Variants in TBC1D5 observed in about 807,000 individuals in gnomAD.
The protein encoded by TBC1D5 is TBC1 domain family, member 5.
Under a neutral mutation model 100.3 loss-of-function variants are expected in TBC1D5, and 75 were observed. That is an observed-to-expected ratio of 0.75 (90% CI 0.62 to 0.91). The LOEUF (loss-of-function observed/expected upper bound fraction) is 0.91, where lower values mean the gene tolerates loss of function less well. TBC1D5 is among the 40% of genes least tolerant of loss of function. TBC1D5 has a pLI of 0.00. For missense variants in TBC1D5, 910 were observed against 942.4 expected (o/e 0.97, Z 0.45); for synonymous variants, 323 against 325.6 (o/e 0.99, Z 0.09).
At chr3:17,232,979 A>C (rs1429589687) in intron 17 of TBC1D5, among the ~76,000 whole-genome samples, 1 of 152,184 alleles carries the variant, frequency 6.6e-6, no homozygotes, top group Non-Finnish European at 1.5e-5. Context: ...TCTCTATCGC[A>C]TATTTCATCT....
intron 13 of TBC1D5, among the ~76,000 whole-genome samples, chr3:17,371,330 C>T (rs1188693068): frequency 2.6e-5 from 4 of 152,106 alleles, no homozygotes; most frequent in Admixed American, 6.6e-5. Flanking sequence ...CATGCATGTA[C>T]GACTCATACA....
chr3:17,226,933 C>T (rs768074376), intron 17 of TBC1D5, among the ~76,000 whole-genome samples: 6 of 152,026 alleles, frequency 3.9e-5, no homozygotes, highest in Non-Finnish European at 7.4e-5. Context: ...GTCTTTCATT[C>T]GTGACCAAAC....
At chr3:17,498,710 A>T (rs1333755731) in intron 3 of TBC1D5, among the ~76,000 whole-genome samples, 1 of 152,230 alleles carries the variant, frequency 6.6e-6, no homozygotes, top group Non-Finnish European at 1.5e-5. Flanking sequence ...AAAAGACTGT[A>T]GTAACACATA....
chr3:17,343,224 T>C (rs1438453853), intron 13 of TBC1D5, among the ~76,000 whole-genome samples: 1 of 152,178 alleles, frequency 6.6e-6, no homozygotes, highest in Non-Finnish European at 1.5e-5. Flanking sequence ...ATTGAGATAA[T>C]CATGTGGTTT....
chr3:17,503,181 C>T (rs933539471), intron 3 of TBC1D5, among the ~76,000 whole-genome samples: 1 of 149,642 alleles, frequency 6.7e-6, no homozygotes, highest in South Asian at 2.1e-4. Context: ...TACTTTTGAA[C>T]TCTAATCTTA....
intron 15 of TBC1D5, among the ~76,000 whole-genome samples, chr3:17,271,243 A>G (rs1036867221): frequency 2.0e-5 from 3 of 152,162 alleles, no homozygotes; most frequent in African/African-American, 7.2e-5. Context: ...CTTCCAATCC[A>G]TAGCCTGGAA....
rs747187334 is a variant in TBC1D5, at chr3:17,384,067, A to G, written c.510-52T>C. The G allele has an allele frequency of 1.4e-5, 20 of 1,474,224 alleles. 1 individual carries two copies. In the South Asian group the frequency reaches 2.2e-4, roughly 16 times the overall value. 91.3% of individuals were successfully genotyped at this position (1,474,224 alleles called of 1,614,324 possible). On this transcript the variant is annotated intron_variant, in intron 8 of 21. Coordinates refer to ENST00000253692, the Ensembl canonical transcript of TBC1D5. ...ACTGACTAACACAGTTTCAAGAATC[A>G]CTCTCAAATTCTCATCTCGAAGACG...
intron 1 of TBC1D5, among the ~76,000 whole-genome samples, chr3:17,737,622 C>T (rs2077058364): frequency 6.6e-6 from 1 of 152,026 alleles, no homozygotes; most frequent in African/African-American, 2.4e-5. Flanking sequence ...GCAGAATTTT[C>T]TTTAGACATA....
At chr3:17,525,346 A>G (rs2096120324) in intron 2 of TBC1D5, among the ~76,000 whole-genome samples, 1 of 152,024 alleles carries the variant, frequency 6.6e-6, no homozygotes, top group Non-Finnish European at 1.5e-5. Context: ...GGCCAGCCTG[A>G]TCTTGAACTC....
At chr3:17,234,952 A>G (rs2075741700) in intron 17 of TBC1D5, among the ~76,000 whole-genome samples, 1 of 152,180 alleles carries the variant, frequency 6.6e-6, no homozygotes. Context: ...CAAACAAGTG[A>G]TAAACAGCTT....
rs180822411 is a variant in TBC1D5, at chr3:17,518,273, T to C, written c.-35-9668A>G. ...CTGTTTTCCCACTCGAATGTTGCCT[T>C]TTCCTAAACTACCCATGGCCCACCC... On this transcript the variant is annotated intron_variant, in intron 2 of 21. Coordinates refer to ENST00000253692, the Ensembl canonical transcript of TBC1D5. 5.0e-3 allele frequency among the ~76,000 whole-genome samples: 760 copies of C among 152,252 alleles called. 14 individuals are homozygous for C. Among genetic ancestry groups the C allele is most frequent in the Non-Finnish European group, 3.6e-3 (244 of 68,018 alleles).
intron 9 of TBC1D5, among the ~76,000 whole-genome samples, chr3:17,382,596 T>G (rs1011193662): frequency 6.6e-6 from 1 of 151,980 alleles, no homozygotes; most frequent in Non-Finnish European, 1.5e-5. Context: ...GATCTCACTC[T>G]TTCGCTCAGG....
intron 2 of TBC1D5, among the ~76,000 whole-genome samples, chr3:17,532,134 T>C (rs1465214422): frequency 6.6e-6 from 1 of 151,946 alleles, no homozygotes; most frequent in Non-Finnish European, 1.5e-5. Flanking sequence ...CAAACAAATT[T>C]ACAAGAAAAA....
At chr3:17,455,229 AT>A (rs1404840263) in intron 3 of TBC1D5, among the ~76,000 whole-genome samples, 11 of 132,270 alleles carry the variant, frequency 8.3e-5, no homozygotes, top group South Asian at 2.3e-4. Flanking sequence ...TATATTATAT[AT>A]TGTATACATA....
At chr3:17,550,954 T>A (rs1475912616) in intron 2 of TBC1D5, among the ~76,000 whole-genome samples, 1 of 152,284 alleles carries the variant, frequency 6.6e-6, no homozygotes, top group African/African-American at 2.4e-5. Context: ...CTTCCATCTA[T>A]AATTTAAAAA....
At chr3:17,352,162 G>T (rs570896967) in intron 13 of TBC1D5, among the ~76,000 whole-genome samples, 13 of 152,186 alleles carry the variant, frequency 8.5e-5, no homozygotes, top group Admixed American at 5.2e-4. Flanking sequence ...AGAGCATTAT[G>T]CACTTTGTAT....
intron 21 of TBC1D5, among the ~76,000 whole-genome samples, chr3:17,162,600 T>TCC (rs1250369571): frequency 6.6e-6 from 1 of 152,234 alleles, no homozygotes; most frequent in African/African-American, 2.4e-5. Flanking sequence ...GTTAACATTC[T>TCC]ATTAACACAT....
chr3:17,437,855 G>A (rs1448998288), intron 3 of TBC1D5, among the ~76,000 whole-genome samples: 1 of 152,120 alleles, frequency 6.6e-6, no homozygotes, highest in Admixed American at 6.5e-5. Context: ...TACTAAAAGT[G>A]ACTATCTTAT....
intron 2 of TBC1D5, among the ~76,000 whole-genome samples, chr3:17,577,209 T>C (rs953011680): frequency 6.6e-6 from 1 of 151,976 alleles, no homozygotes; most frequent in Non-Finnish European, 1.5e-5. Context: ...TTTCTTGAGT[T>C]TTACAAAGCT....
Sources: allele counts gnomAD v4.1 joint callset (sites outside exome capture counted in the v4.1 genomes callset), GRCh38; gene constraint gnomAD v4.1.1; transcripts MANE v1.5; gene names NCBI Gene and HGNC (gene_info 2026-07-23, HGNC 2026-07-21).